Variants in AMPH observed in about 807,000 individuals in gnomAD.
AMPH encodes amphiphysin, also known as amphiphysin (Stiff-Mann syndrome with breast cancer 128kD autoantigen).
In AMPH, 49 loss-of-function variants were observed where a neutral mutation model predicts 99.1. That is an observed-to-expected ratio of 0.49 (90% CI 0.39 to 0.63). AMPH has a LOEUF of 0.63. AMPH is among the 20% of genes least tolerant of loss of function. The pLI, the probability that AMPH is intolerant of heterozygous loss-of-function variation, is 0.00. For synonymous variants in AMPH, 314 were observed against 317.3 expected, an observed-to-expected ratio of 0.99 and a Z score of 0.11; for missense variants, 759 against 863.4, an observed-to-expected ratio of 0.88 and a Z score of 1.52.
chr7:38,620,503 C>G (rs1302000564), intron 1 of AMPH, among the ~76,000 whole-genome samples: 1 of 150,658 alleles, frequency 6.6e-6, no homozygotes, highest in African/African-American at 2.4e-5. Flanking sequence ...GAGATCCTCC[C>G]AAGGTTTGGA....
In AMPH at chr7:38,394,968, G is replaced by C. The variant is rs182159486; in HGVS notation, c.1399-754C>G. Among the ~76,000 whole-genome samples, 83 of 152,264 alleles carry C rather than the reference G, an allele frequency of 5.5e-4. 1 individual carries two copies. Among genetic ancestry groups the C allele is most frequent in the African/African-American group, 2.0e-3 (82 of 41,530 alleles). On this transcript the variant is annotated intron_variant, in intron 17 of 20. Coordinates refer to ENST00000356264, the MANE Select transcript of AMPH (RefSeq NM_001635.4). Reference sequence around the variant, plus strand: ...AAGCACACGTCACAGATCCTCCTTTGACTCGTGTCTCTTTTTCCTGGGTGC... The same window carrying C: ...AAGCACACGTCACAGATCCTCCTTTCACTCGTGTCTCTTTTTCCTGGGTGC...
At chr7:38,411,927 CAAGCTA>C (rs928633555) in intron 17 of AMPH, among the ~76,000 whole-genome samples, 8 of 152,128 alleles carry the variant, frequency 5.3e-5, no homozygotes. Context: ...TTAAATATAT[CAAGCTA>C]AAGCTCTAGA....
In AMPH at chr7:38,417,847, T is replaced by G; in HGVS notation, c.1376A>C (p.Glu459Ala). The change falls in exon 17 of 21, where the codon GAG becomes GCG. Residue 459 changes from glutamate to alanine, a missense_variant. By Grantham distance (107) the Glu-to-Ala change is moderately radical. Around this residue, in one of 2 missense-constraint regions of AMPH, gnomAD observed 554 missense variants for 575.6 expected, o/e 0.96. Coordinates refer to ENST00000356264, the MANE Select transcript of AMPH (RefSeq NM_001635.4). ...GLDLGMDTRA[E>A]EPVEEAVIIP... ...CACCACTGCCTCCTCCACTGGCTCC[T>G]CAGCCCGAGTGTCCATTCCAAGGTC... The G allele has an allele frequency of 6.2e-7, 1 of 1,614,038 alleles. No individual in the cohort carries two copies.
chr7:38,496,537 A>G (rs1278869756), intron 3 of AMPH, among the ~76,000 whole-genome samples: 3 of 152,180 alleles, frequency 2.0e-5, no homozygotes, highest in African/African-American at 7.2e-5. Context: ...GATGAAACAG[A>G]GTCGTGCAGG....
intron 17 of AMPH, among the ~76,000 whole-genome samples, chr7:38,403,352 C>T (rs1196080481): frequency 6.6e-6 from 1 of 152,204 alleles, no homozygotes; most frequent in Non-Finnish European, 1.5e-5. Context: ...TCAGAGAGCA[C>T]CTCTGCCCTT....
intron 1 of AMPH, among the ~76,000 whole-genome samples, chr7:38,609,158 C>A (rs999942278): frequency 1.3e-5 from 2 of 152,038 alleles, no homozygotes; most frequent in African/African-American, 2.4e-5. Context: ...TGTGTTCAGG[C>A]TCGACTCGGA....
At chr7:38,577,277 A>G (rs1792280836) in intron 1 of AMPH, among the ~76,000 whole-genome samples, 1 of 152,162 alleles carries the variant, frequency 6.6e-6, no homozygotes, top group African/African-American at 2.4e-5. Flanking sequence ...GCAGTGGAGT[A>G]AATCGCCTTA....
intron 17 of AMPH, among the ~76,000 whole-genome samples, chr7:38,404,053 A>G (rs972475391): frequency 2.0e-5 from 3 of 152,142 alleles, no homozygotes; most frequent in Non-Finnish European, 2.9e-5. Flanking sequence ...CCCCAAGGCC[A>G]TTTTGCTGAT....
At chr7:38,571,458 T>A (rs1792026279) in intron 1 of AMPH, among the ~76,000 whole-genome samples, 1 of 128,894 alleles carries the variant, frequency 7.8e-6, no homozygotes, top group Non-Finnish European at 1.6e-5. Flanking sequence ...TTATATAGAA[T>A]ATATGGAATA....
chr7:38,399,564 T>C (rs551149376), intron 17 of AMPH, among the ~76,000 whole-genome samples: 1 of 152,374 alleles, frequency 6.6e-6, no homozygotes, highest in East Asian at 1.9e-4. Flanking sequence ...ATTATTGTTG[T>C]TGTCATGCAT....
At chr7:38,497,315 T>C (rs1338315849) in intron 3 of AMPH, among the ~76,000 whole-genome samples, 1 of 152,174 alleles carries the variant, frequency 6.6e-6, no homozygotes, top group Non-Finnish European at 1.5e-5. Context: ...TTGAATAATA[T>C]ACAATATCCA....
In AMPH at chr7:38,610,254, A is replaced by AGG. The variant is rs1562859916; in HGVS notation, c.69+21028_69+21029insCC. On this transcript the variant is annotated intron_variant, in intron 1 of 20. Transcript: ENST00000356264. ...TCTCTCAAAAAAAAAAAAAAAAAAA[A>AGG]AAAAAAAAAGAAAGAAAGAAAGAAA... Among the ~76,000 whole-genome samples the AGG allele has an allele frequency of 9.0e-5, 3 of 33,330 alleles. 1 individual carries two copies. Among genetic ancestry groups the AGG allele is most frequent in the African/African-American group, 6.7e-4 (3 of 4,474 alleles). The allele number at this position is 33,330 out of a possible 152,430, so 21.9% of individuals were successfully genotyped here. A position where few individuals can be genotyped will look rare whatever the true frequency, so the allele number is the denominator to read the frequency against.
At chr7:38,624,388 T>G (rs1794173505) in intron 1 of AMPH, among the ~76,000 whole-genome samples, 1 of 151,836 alleles carries the variant, frequency 6.6e-6, no homozygotes, top group South Asian at 2.1e-4. Context: ...ATTATTAGTA[T>G]TAGTATTAGT....
intron 11 of AMPH, among the ~76,000 whole-genome samples, chr7:38,447,509 T>C (rs1229504441): frequency 1.3e-5 from 2 of 152,100 alleles, no homozygotes; most frequent in Non-Finnish European, 2.9e-5. Context: ...GTAAAAGAGA[T>C]TTCAATATAT....
chr7:38,474,358 T>C (rs984619614), intron 7 of AMPH, among the ~76,000 whole-genome samples: 3 of 152,154 alleles, frequency 2.0e-5, no homozygotes, highest in Admixed American at 2.0e-4. Flanking sequence ...ATGTTGGACT[T>C]TGGGTGATGG....
intron 1 of AMPH, among the ~76,000 whole-genome samples, chr7:38,576,561 G>A (rs935717913): frequency 4.6e-5 from 7 of 152,140 alleles, no homozygotes; most frequent in African/African-American, 1.7e-4. Flanking sequence ...GAAAACTGGA[G>A]AAAAGTGTGA....
intron 1 of AMPH, among the ~76,000 whole-genome samples, chr7:38,571,280 T>TATATA (rs1562835243): frequency 2.7e-5 from 1 of 37,350 alleles, no homozygotes; most frequent in Non-Finnish European, 4.4e-5. Flanking sequence ...TATATATATT[T>TATATA]TTATATATAT....
intron 3 of AMPH, among the ~76,000 whole-genome samples, chr7:38,495,215 G>A (rs1332585246): frequency 6.6e-6 from 1 of 152,086 alleles, no homozygotes; most frequent in African/African-American, 2.4e-5. Context: ...ATAAATAAGA[G>A]TTAAGTTACC....
chr7:38,401,067 T>C (rs1049765594), intron 17 of AMPH, among the ~76,000 whole-genome samples: 2 of 152,226 alleles, frequency 1.3e-5, no homozygotes, highest in East Asian at 1.9e-4. Context: ...GTTATAGTAA[T>C]GGATATATAA....
Sources: gnomAD v4.1 joint callset for allele counts (sites outside exome capture counted in the v4.1 genomes callset) on GRCh38, gnomAD v4.1.1 for gene constraint, gnomAD v4.1.1 regional missense constraint, MANE v1.5 for transcripts, NCBI Gene and HGNC (gene_info 2026-07-23, HGNC 2026-07-21) for gene names.